Variants in SKAP1 observed in about 807,000 individuals in gnomAD.
The protein encoded by SKAP1 is src kinase-associated phosphoprotein 1.
Under a neutral mutation model 58.5 loss-of-function variants are expected in SKAP1, and 44 were observed. That is an observed-to-expected ratio of 0.75 (90% confidence interval 0.59 to 0.97). The LOEUF (loss-of-function observed/expected upper bound fraction) is 0.97. SKAP1 is among the 50% of genes least tolerant of loss of function. The pLI is 0.00. For missense variants in SKAP1, 390 were observed against 435.2 expected (o/e 0.90, Z 0.92); for synonymous variants, 127 against 149.7 (o/e 0.85, Z 1.11).
At chr17:48,146,198 A>T (rs1372273198) in intron 11 of SKAP1, among the ~76,000 whole-genome samples, 1 of 152,142 alleles carries the variant, frequency 6.6e-6, no homozygotes, top group Non-Finnish European at 1.5e-5. Context: ...TTTAAAAAAT[A>T]CAATGAAGGA....
chr17:48,400,364 G>T (rs2067483383), intron 1 of SKAP1, among the ~76,000 whole-genome samples: 1 of 152,022 alleles, frequency 6.6e-6, no homozygotes, highest in Non-Finnish European at 1.5e-5. Context: ...CTCCCAAAGT[G>T]CTGGGATTAC....
At chr17:48,184,440 T>C (rs2064416644) in intron 7 of SKAP1, among the ~76,000 whole-genome samples, 1 of 152,210 alleles carries the variant, frequency 6.6e-6, no homozygotes, top group Non-Finnish European at 1.5e-5. Context: ...AATTTGATTG[T>C]GTGCTGCAAT....
chr17:48,378,615 A>G (rs948230340), intron 2 of SKAP1, among the ~76,000 whole-genome samples: 3 of 151,984 alleles, frequency 2.0e-5, no homozygotes, highest in African/African-American at 7.3e-5. Flanking sequence ...TCTGCCAGCA[A>G]ACCTTTCCTT....
intron 4 of SKAP1, among the ~76,000 whole-genome samples, chr17:48,190,247 C>T (rs1326254514): frequency 6.6e-6 from 1 of 151,790 alleles, no homozygotes; most frequent in Non-Finnish European, 1.5e-5. Context: ...GGTGAGACTA[C>T]AGGCGACCAC....
intron 4 of SKAP1, among the ~76,000 whole-genome samples, chr17:48,323,580 T>C (rs1187639446): frequency 6.6e-6 from 1 of 152,138 alleles, no homozygotes; most frequent in African/African-American, 2.4e-5. Flanking sequence ...ATTTAACAAG[T>C]ATTTACTAGT....
chr17:48,296,197 A>G (rs1457335042), intron 4 of SKAP1, among the ~76,000 whole-genome samples: 1 of 152,032 alleles, frequency 6.6e-6, no homozygotes, highest in Non-Finnish European at 1.5e-5. Context: ...TTTTTCTTCA[A>G]TTAATTAAGG....
At chr17:48,245,315 A>G (rs934938397) in intron 4 of SKAP1, among the ~76,000 whole-genome samples, 1 of 152,182 alleles carries the variant, frequency 6.6e-6, no homozygotes, top group Non-Finnish European at 1.5e-5. Flanking sequence ...TTTTTGTAAA[A>G]GCATCATTTT....
At chr17:48,209,178 T>C (rs1481344672) in intron 4 of SKAP1, among the ~76,000 whole-genome samples, 2 of 152,228 alleles carry the variant, frequency 1.3e-5, no homozygotes, top group African/African-American at 4.8e-5. Context: ...TCTGTCTACA[T>C]CTCAGTCTTT....
At chr17:48,332,144 T>C (rs1186763431) in intron 4 of SKAP1, among the ~76,000 whole-genome samples, 2 of 152,084 alleles carry the variant, frequency 1.3e-5, no homozygotes, top group African/African-American at 4.8e-5. Context: ...TAAAATACAT[T>C]TTCTTTAATT....
intron 4 of SKAP1, among the ~76,000 whole-genome samples, chr17:48,344,516 T>C (rs1045766481): frequency 2.0e-5 from 3 of 152,212 alleles, no homozygotes; most frequent in African/African-American, 7.2e-5. Flanking sequence ...TAAGGATTAA[T>C]GAGGCATTAT....
At chr17:48,425,404 A>C (rs1045555205) in intron 1 of SKAP1, among the ~76,000 whole-genome samples, 1 of 152,238 alleles carries the variant, frequency 6.6e-6, no homozygotes, top group African/African-American at 2.4e-5. Flanking sequence ...GAAATTTAAC[A>C]ATTATTGATT....
intron 4 of SKAP1, among the ~76,000 whole-genome samples, chr17:48,280,673 C>A (rs1318604771): frequency 6.6e-6 from 1 of 152,150 alleles, no homozygotes; most frequent in Non-Finnish European, 1.5e-5. Flanking sequence ...TGTAGTCAAT[C>A]CACTCTTTCT....
intron 1 of SKAP1, among the ~76,000 whole-genome samples, chr17:48,411,204 A>G (rs2067660786): frequency 6.6e-6 from 1 of 151,968 alleles, no homozygotes; most frequent in South Asian, 2.1e-4. Context: ...GTTTGAGACC[A>G]GTCTGGCCAA....
At chr17:48,187,241 A>C (rs2064469211) in intron 6 of SKAP1, among the ~76,000 whole-genome samples, 1 of 152,176 alleles carries the variant, frequency 6.6e-6, no homozygotes, top group South Asian at 2.1e-4. Flanking sequence ...TGTTGACTTG[A>C]TTAAGTCAGT....
chr17:48,199,407 C>T (rs1164002457), intron 4 of SKAP1, among the ~76,000 whole-genome samples: 1 of 152,212 alleles, frequency 6.6e-6, no homozygotes, highest in East Asian at 1.9e-4. Flanking sequence ...GTGGAACATG[C>T]CATGCACTTT....
chr17:48,433,174 C>G (rs1220434614), upstream of SKAP1, among the ~76,000 whole-genome samples: 2 of 152,200 alleles, frequency 1.3e-5, no homozygotes, highest in African/African-American at 4.8e-5. Context: ...TGGACAAATT[C>G]CTTTGAAGCC....
At chr17:48,223,269 C>T (rs1231429024) in intron 4 of SKAP1, among the ~76,000 whole-genome samples, 1 of 152,064 alleles carries the variant, frequency 6.6e-6, no homozygotes, top group African/African-American at 2.4e-5. Context: ...TAGATTTATG[C>T]TTAACAAAGA....
At chr17:48,258,608 G>T (rs1347082511) in intron 4 of SKAP1, among the ~76,000 whole-genome samples, 2 of 152,092 alleles carry the variant, frequency 1.3e-5, no homozygotes, top group Non-Finnish European at 2.9e-5. Context: ...CTTAAAAAGG[G>T]TGTGTAGCAT....
chr17:48,239,246 C>T (rs955109767), intron 4 of SKAP1, among the ~76,000 whole-genome samples: 18 of 152,186 alleles, frequency 1.2e-4, no homozygotes, highest in African/African-American at 4.1e-4. Flanking sequence ...GAAAGAATTT[C>T]GACTTGACAA....
Sources: gnomAD v4.1 joint callset for allele counts (sites outside exome capture counted in the v4.1 genomes callset) on GRCh38, gnomAD v4.1.1 for gene constraint, MANE v1.5 for transcripts, NCBI Gene and HGNC (gene_info 2026-07-23, HGNC 2026-07-21) for gene names.